The following FAAH2 variants were observed in gnomAD, a reference collection of about 807,000 sequenced individuals.
The protein encoded by FAAH2 is fatty-acid amide hydrolase 2.
In FAAH2, 60 loss-of-function variants were observed where a neutral mutation model predicts 36.9. The ratio of observed to expected loss-of-function variants is 1.63; its 90% confidence interval spans 1.32 to 2.02. The LOEUF is 2.02. Among genes scored for constraint, FAAH2 ranks in the 30% most tolerant of loss-of-function variants. The probability of loss-of-function intolerance (pLI) is 0.00; values close to 1 mark genes in which losing one functional copy is unlikely to be tolerated. For synonymous variants in FAAH2, 214 were observed against 143.8 expected (o/e 1.49, Z -3.49); for missense variants, 689 against 397.5 (o/e 1.73, Z -6.23).
At chrX:57,351,229 T>A (rs75880948) in intron 5 of FAAH2, among the ~76,000 whole-genome samples, 1 of 111,136 alleles carries the variant, frequency 9.0e-6, no homozygotes, top group African/African-American at 3.2e-5. Context: ...AAACAACATG[T>A]TTGTGAATGA....
chrX:57,194,155 G>T, the FAAH2 span, among the ~76,000 whole-genome samples: 2 of 111,268 alleles, frequency 1.8e-5, no homozygotes, highest in African/African-American at 3.3e-5. Context: ...ATCAGGTGCT[G>T]GGCTTATCAT....
the FAAH2 span, among the ~76,000 whole-genome samples, chrX:57,231,220 T>C: frequency 9.0e-6 from 1 of 111,000 alleles, no homozygotes; most frequent in Non-Finnish European, 1.9e-5. Flanking sequence ...TTCACTTTTA[T>C]TCATGATTTT....
At chrX:57,456,858 G>T (rs1183304721) in intron 10 of FAAH2, among the ~76,000 whole-genome samples, 5 of 111,453 alleles carry the variant, frequency 4.5e-5, no homozygotes, top group Non-Finnish European at 9.4e-5. Flanking sequence ...AATTCTACCA[G>T]ACATATAAGG....
chrX:57,127,531 G>A, the FAAH2 span, among the ~76,000 whole-genome samples: 1 of 111,253 alleles, frequency 9.0e-6, no homozygotes, highest in Non-Finnish European at 1.9e-5. Flanking sequence ...GTCTTAAGGA[G>A]GTGATCCTGA....
chrX:57,301,300 A>T (rs1004814427), intron 2 of FAAH2, among the ~76,000 whole-genome samples: 26 of 110,742 alleles, frequency 2.3e-4, no homozygotes, highest in African/African-American at 8.6e-4. Context: ...GGATGACTTC[A>T]TTTCCTTTGT....
At chrX:57,206,794 G>A in the FAAH2 span, among the ~76,000 whole-genome samples, 2 of 112,234 alleles carry the variant, frequency 1.8e-5, no homozygotes, top group Non-Finnish European at 3.8e-5. Context: ...CCCATAGGTT[G>A]TATAACTGAA....
the FAAH2 span, among the ~76,000 whole-genome samples, chrX:57,131,055 AC>A: frequency 2.8e-5 from 3 of 105,922 alleles, no homozygotes; most frequent in Non-Finnish European, 5.8e-5. Flanking sequence ...CATGTGAAAA[AC>A]CGTTTATCTC....
At chrX:57,375,672 A>C (rs1006259662) in intron 5 of FAAH2, among the ~76,000 whole-genome samples, 2 of 111,006 alleles carry the variant, frequency 1.8e-5, no homozygotes, top group Non-Finnish European at 3.8e-5. Flanking sequence ...AAGAATTATT[A>C]TCTTTTTATA....
chrX:57,268,447 A>T, the FAAH2 span, among the ~76,000 whole-genome samples: 1 of 111,855 alleles, frequency 8.9e-6, no homozygotes, highest in African/African-American at 3.3e-5. Flanking sequence ...CATCCATGAG[A>T]ACTTCCCTAA....
At chrX:57,136,907 C>T in the FAAH2 span, 1 of 703,010 alleles carries the variant, frequency 1.4e-6, no homozygotes, top group East Asian at 4.1e-5. Context: ...CCACTAGCAT[C>T]CACTCCCAAT....
chrX:57,363,619 G>A (rs1384636190), intron 5 of FAAH2, among the ~76,000 whole-genome samples: 1 of 111,333 alleles, frequency 9.0e-6, no homozygotes, highest in Non-Finnish European at 1.9e-5. Context: ...GGAGTGATGA[G>A]GGTGGGCACC....
At chrX:57,309,734 C>A (rs2052638608) in intron 2 of FAAH2, among the ~76,000 whole-genome samples, 1 of 111,202 alleles carries the variant, frequency 9.0e-6, no homozygotes, top group South Asian at 3.8e-4. Flanking sequence ...CATTAGTTTG[C>A]TGAGGATAAT....
At chrX:57,346,030 C>A (rs773522130) in intron 5 of FAAH2, among the ~76,000 whole-genome samples, 302 of 111,328 alleles carry the variant, frequency 2.7e-3, no homozygotes, top group African/African-American at 9.2e-3. Flanking sequence ...TTGAGACTTG[C>A]TGTATGACCA....
the FAAH2 span, among the ~76,000 whole-genome samples, chrX:57,227,200 G>T: frequency 2.7e-5 from 3 of 110,697 alleles, no homozygotes; most frequent in Non-Finnish European, 5.7e-5. Context: ...TGGTGAACTC[G>T]GGTCGGGGGG....
At chrX:57,419,492 G>T (rs1406312314) in intron 7 of FAAH2, among the ~76,000 whole-genome samples, 1 of 112,255 alleles carries the variant, frequency 8.9e-6, no homozygotes, top group East Asian at 2.8e-4. Flanking sequence ...TTTTTCGTGT[G>T]TTTTTTGGCA....
chrX:57,352,969 G>T (rs755096871), intron 5 of FAAH2, among the ~76,000 whole-genome samples: 1 of 110,347 alleles, frequency 9.1e-6, no homozygotes, highest in South Asian at 3.8e-4. Context: ...AAAAACAAAT[G>T]GAAGAACATT....
the FAAH2 span, among the ~76,000 whole-genome samples, chrX:57,263,445 G>A: frequency 8.1e-5 from 9 of 111,454 alleles, no homozygotes; most frequent in Non-Finnish European, 1.5e-4. Flanking sequence ...TAAATCAAGC[G>A]TTATCTAAAT....
At chrX:57,128,200 C>T in the FAAH2 span, among the ~76,000 whole-genome samples, 3 of 111,412 alleles carry the variant, frequency 2.7e-5, no homozygotes, top group Non-Finnish European at 5.7e-5. Flanking sequence ...TTGCCATATT[C>T]TTCCTTCTTA....
intron 7 of FAAH2, chrX:57,392,889 G>T: frequency 1.2e-6 from 1 of 824,320 alleles, no homozygotes; most frequent in South Asian, 2.0e-5. Flanking sequence ...GCCCTGCTTT[G>T]TGTAGACTTC....
Sources: allele counts gnomAD v4.1 joint callset (sites outside exome capture counted in the v4.1 genomes callset), GRCh38; gene constraint gnomAD v4.1.1; transcripts MANE v1.5; gene names NCBI Gene and HGNC (gene_info 2026-07-23, HGNC 2026-07-21).